Variants in ADCY2 observed in about 807,000 individuals in gnomAD.
The protein encoded by ADCY2 is adenylate cyclase 2, also known as adenylate cyclase type 2.
ADCY2 carries 31 observed loss-of-function variants against 125.2 expected under a neutral mutation model. The observed-to-expected ratio is 0.25, with a 90% CI of 0.19 to 0.33. The LOEUF (loss-of-function observed/expected upper bound fraction) is 0.33. ADCY2 is among the 10% of genes least tolerant of loss of function. The pLI, the probability that ADCY2 is intolerant of heterozygous loss-of-function variation, is 1.00. For synonymous variants in ADCY2, 512 were observed against 548.4 expected, an observed-to-expected ratio of 0.93 and a Z score of 0.93; for missense variants, 904 against 1,418.2, an observed-to-expected ratio of 0.64 and a Z score of 5.82.
intron 3 of ADCY2, among the ~76,000 whole-genome samples, chr5:7,593,682 G>T (rs1447376418): frequency 2.0e-5 from 3 of 152,114 alleles, no homozygotes. Flanking sequence ...ATTCAACATA[G>T]ATTAGCTAAA....
At chr5:7,744,735 C>G (rs1014608435) in intron 15 of ADCY2, among the ~76,000 whole-genome samples, 6 of 152,238 alleles carry the variant, frequency 3.9e-5, no homozygotes, top group Non-Finnish European at 7.3e-5. Context: ...CATGGGCATT[C>G]TCAAGAGAAG....
chr5:7,643,028 T>A (rs531779475), intron 4 of ADCY2, among the ~76,000 whole-genome samples: 1 of 152,060 alleles, frequency 6.6e-6, no homozygotes, highest in African/African-American at 2.4e-5. Flanking sequence ...TAATTAGAAT[T>A]TTTTTTATTT....
intron 16 of ADCY2, among the ~76,000 whole-genome samples, chr5:7,763,872 T>C (rs756213852): frequency 2.6e-5 from 4 of 152,092 alleles, no homozygotes; most frequent in Non-Finnish European, 4.4e-5. Flanking sequence ...AGAGATGCAT[T>C]AGGAGTAACA....
chr5:7,413,982 G>C (rs1053983605), intron 1 of ADCY2, among the ~76,000 whole-genome samples: 7 of 151,956 alleles, frequency 4.6e-5, no homozygotes, highest in African/African-American at 1.7e-4. Flanking sequence ...CATCTCTCTT[G>C]AGAGAGAAAT....
intron 2 of ADCY2, among the ~76,000 whole-genome samples, chr5:7,481,891 T>C (rs1232244817): frequency 2.0e-5 from 3 of 152,180 alleles, no homozygotes; most frequent in Non-Finnish European, 4.4e-5. Flanking sequence ...CTTTGCACAA[T>C]GTCCTGGAGT....
In ADCY2 at chr5:7,508,206, C is replaced by G. The variant is rs73737708; in HGVS notation, c.409-12532C>G. ...TGCCTAAGTCCTTCTTTGCCAGTCA[C>G]GAGCATAATTACCAATTTTTAGGTT... On this transcript the variant is annotated intron_variant, in intron 2 of 24. Transcript: ENST00000338316. 2.0e-5 allele frequency among the ~76,000 whole-genome samples: 3 copies of G among 152,080 alleles called. 1 individual carries two copies. Among genetic ancestry groups the G allele is most frequent in the African/African-American group, 7.2e-5 (3 of 41,402 alleles).
chr5:7,516,511 G>A (rs952504914), intron 2 of ADCY2, among the ~76,000 whole-genome samples: 4 of 152,164 alleles, frequency 2.6e-5, no homozygotes, highest in African/African-American at 4.8e-5. Context: ...GTCTGGGTCT[G>A]GGGACCCAGA....
Position 7,506,989 on chromosome 5 carries a change from G to T in ADCY2, c.409-13749G>T, listed in dbSNP as rs56263205. 8.9e-3 allele frequency among the ~76,000 whole-genome samples: 1,326 copies of T among 148,886 alleles called. 11 individuals are homozygous for T. Among genetic ancestry groups the T allele is most frequent in the Middle Eastern group, 0.021 (6 of 288 alleles). ...TTTTTAGTACAGACGGGGTTTCACC[G>T]TGTTAGCCAGGATGGTCTCGATCTC... On this transcript the variant is annotated intron_variant, in intron 2 of 24. Transcript: ENST00000338316.
intron 2 of ADCY2, among the ~76,000 whole-genome samples, chr5:7,496,406 G>A (rs1036369062): frequency 6.6e-6 from 1 of 152,086 alleles, no homozygotes; most frequent in African/African-American, 2.4e-5. Context: ...TAACCAAGCT[G>A]GTTGAACAAG....
intron 12 of ADCY2, among the ~76,000 whole-genome samples, chr5:7,724,090 G>A (rs1741856183): frequency 8.7e-6 from 1 of 114,644 alleles, no homozygotes; most frequent in East Asian, 2.9e-4. Flanking sequence ...GATGCTCTGT[G>A]ATCTGTTGCC....
chr5:7,603,473 G>C (rs10041139), intron 3 of ADCY2, among the ~76,000 whole-genome samples: 1 of 152,122 alleles, frequency 6.6e-6, no homozygotes, highest in Admixed American at 6.5e-5. Context: ...TTAACTCCCA[G>C]GTTGATAAAT....
intron 2 of ADCY2, among the ~76,000 whole-genome samples, chr5:7,433,111 G>T (rs566282350): frequency 6.6e-6 from 1 of 152,116 alleles, no homozygotes; most frequent in East Asian, 1.9e-4. Flanking sequence ...TTGGTGACTC[G>T]CCAAAAAACG....
intron 3 of ADCY2, among the ~76,000 whole-genome samples, chr5:7,526,749 A>G (rs971971170): frequency 6.6e-6 from 1 of 152,182 alleles, no homozygotes; most frequent in Non-Finnish European, 1.5e-5. Flanking sequence ...AGTTTTTTAA[A>G]TAATTGTTTT....
chr5:7,396,552 T>A lies in ADCY2; in HGVS notation c.210+46T>A. On this transcript the variant is annotated intron_variant, in intron 1 of 24. Coordinates refer to ENST00000338316, the MANE Select transcript of ADCY2 (RefSeq NM_020546.3). The surrounding 1 kb of genome is among the most constrained non-coding windows in gnomAD (Gnocchi z 5.7). ...TCCAGCGCCGCGCCTTCCCCGGCCC[T>A]GAGAGGAGCCCGGCCAGCCGAGCCG... 1 of 1,497,718 alleles carries A rather than the reference T, an allele frequency of 6.7e-7. No individual in the cohort carries two copies. The highest frequency in any genetic ancestry group is 8.9e-7 in the Non-Finnish European group (1 of 1,124,026). 92.8% of individuals were successfully genotyped at this position (1,497,718 alleles called of 1,614,324 possible). A position where few individuals can be genotyped will look rare whatever the true frequency, so the allele number is the denominator to read the frequency against.
At chr5:7,704,868 A>G (rs1190849431) in intron 7 of ADCY2, among the ~76,000 whole-genome samples, 1 of 146,992 alleles carries the variant, frequency 6.8e-6, no homozygotes, top group Non-Finnish European at 1.5e-5. Context: ...ACAGAGTGAG[A>G]CTCCATCTCC....
At chr5:7,432,683 T>C (rs1472945217) in intron 2 of ADCY2, among the ~76,000 whole-genome samples, 1 of 152,214 alleles carries the variant, frequency 6.6e-6, no homozygotes, top group Non-Finnish European at 1.5e-5. Flanking sequence ...ATTAGGCAAA[T>C]GCAAATTCAG....
intron 3 of ADCY2, among the ~76,000 whole-genome samples, chr5:7,566,656 A>G (rs1735902775): frequency 6.6e-6 from 1 of 152,148 alleles, no homozygotes; most frequent in Non-Finnish European, 1.5e-5. Flanking sequence ...TCTTGGTGTC[A>G]TGAGATGGCA....
intron 3 of ADCY2, among the ~76,000 whole-genome samples, chr5:7,619,232 G>A (rs931352311): frequency 2.0e-5 from 3 of 152,220 alleles, no homozygotes; most frequent in Non-Finnish European, 4.4e-5. Flanking sequence ...TCACGAGACA[G>A]TGTTTCGGCT....
chr5:7,607,443 T>A (rs73739863), intron 3 of ADCY2, among the ~76,000 whole-genome samples: 2,017 of 152,278 alleles, frequency 0.013, 51 homozygotes, highest in African/African-American at 0.046. Context: ...TAAAAAGTAA[T>A]AACCCACTGA....
Sources: gnomAD v4.1 joint callset for allele counts (sites outside exome capture counted in the v4.1 genomes callset) on GRCh38, gnomAD v4.1.1 for gene constraint, Gnocchi (gnomAD v3.1) non-coding constraint, MANE v1.5 for transcripts, NCBI Gene and HGNC (gene_info 2026-07-23, HGNC 2026-07-21) for gene names.